Variants in EPHA6 observed in about 807,000 individuals in gnomAD.
EPHA6 encodes ephrin type-A receptor 6.
Under a neutral mutation model 112.0 loss-of-function variants are expected in EPHA6, and 50 were observed. The observed-to-expected ratio is 0.45, with a 90% CI of 0.36 to 0.56. EPHA6 has a LOEUF of 0.56. EPHA6 is among the 20% of genes least tolerant of loss of function. EPHA6 has a pLI of 0.00. For synonymous variants in EPHA6, 529 were observed against 490.7 expected, an observed-to-expected ratio of 1.08 and a Z score of -1.03; for missense variants, 1,280 against 1,417.4, an observed-to-expected ratio of 0.90 and a Z score of 1.56.
chr3:97,645,960 A>T (rs1360091587), intron 14 of EPHA6, among the ~76,000 whole-genome samples: 1 of 152,160 alleles, frequency 6.6e-6, no homozygotes, highest in East Asian at 1.9e-4. Flanking sequence ...AAGACATGAT[A>T]GATAAAGGTT....
intron 6 of EPHA6, among the ~76,000 whole-genome samples, chr3:97,408,976 A>G (rs1426674429): frequency 1.3e-5 from 2 of 152,090 alleles, no homozygotes; most frequent in East Asian, 3.9e-4. Flanking sequence ...TCAACCCTCA[A>G]TCCTTGCCTA....
chr3:96,873,429 C>G (rs1323896000), intron 2 of EPHA6, among the ~76,000 whole-genome samples: 2 of 152,060 alleles, frequency 1.3e-5, no homozygotes, highest in Non-Finnish European at 2.9e-5. Flanking sequence ...ATTTGCTGGA[C>G]CAGGCAAAAT....
chr3:97,223,399 G>T (rs768344027), intron 3 of EPHA6, among the ~76,000 whole-genome samples: 9 of 152,152 alleles, frequency 5.9e-5, no homozygotes, highest in Non-Finnish European at 1.3e-4. Context: ...TGATATAAAG[G>T]AAGGGTTAAA....
intron 3 of EPHA6, among the ~76,000 whole-genome samples, chr3:97,000,176 T>C (rs1016385252): frequency 4.0e-5 from 6 of 151,572 alleles, no homozygotes; most frequent in Non-Finnish European, 8.8e-5. Flanking sequence ...CTGTTACACA[T>C]CACCTGTCCC....
intron 14 of EPHA6, among the ~76,000 whole-genome samples, chr3:97,668,449 G>A (rs772623493): frequency 1.3e-5 from 2 of 152,012 alleles, no homozygotes; most frequent in Non-Finnish European, 2.9e-5. Flanking sequence ...TTATTATTTG[G>A]GGATCAGGAT....
chr3:97,489,842 T>A (rs2091794387), intron 10 of EPHA6, among the ~76,000 whole-genome samples: 1 of 152,060 alleles, frequency 6.6e-6, no homozygotes, highest in African/African-American at 2.4e-5. Context: ...TCTACAGTAG[T>A]CTATCAATTT....
chr3:97,639,671 T>G (rs1019740492), intron 14 of EPHA6, among the ~76,000 whole-genome samples: 2 of 152,152 alleles, frequency 1.3e-5, no homozygotes, highest in Non-Finnish European at 2.9e-5. Context: ...ACTCATGAAA[T>G]TGGCAGATAA....
rs566009836 is a variant in EPHA6 at position 97,602,319 on chromosome 3, G to A, written c.2513-8474G>A. Among the ~76,000 whole-genome samples the A allele has an allele frequency of 5.3e-5, 8 of 151,972 alleles. No homozygotes were observed. In the East Asian group the frequency reaches 5.8e-4, roughly 11 times the overall value. Reference sequence around the variant, plus strand: ...TACATATTTCCTGTTTGTATAGAACGTTTTACAGCTTTGTAGGCCTTTAAA... The same window carrying A: ...TACATATTTCCTGTTTGTATAGAACATTTTACAGCTTTGTAGGCCTTTAAA... On this transcript the variant is annotated intron_variant, in intron 12 of 17. Transcript: ENST00000389672.
intron 11 of EPHA6, among the ~76,000 whole-genome samples, chr3:97,559,019 AT>A (rs1288515001): frequency 6.6e-6 from 1 of 152,046 alleles, no homozygotes; most frequent in African/African-American, 2.4e-5. Flanking sequence ...ATGTGTCATC[AT>A]TTAAAAAGTA....
chr3:97,240,461 C>T (rs2078812139), intron 4 of EPHA6, among the ~76,000 whole-genome samples: 1 of 151,792 alleles, frequency 6.6e-6, no homozygotes, highest in Admixed American at 6.6e-5. Context: ...GACTTGGTAT[C>T]TTCAGATATT....
intron 11 of EPHA6, among the ~76,000 whole-genome samples, chr3:97,575,874 T>A (rs977732270): frequency 2.0e-5 from 3 of 152,146 alleles, no homozygotes; most frequent in Non-Finnish European, 4.4e-5. Flanking sequence ...AGCTGTGTAA[T>A]TGTAGTGAAG....
intron 13 of EPHA6, among the ~76,000 whole-genome samples, chr3:97,621,915 A>G (rs369750775): frequency 1.3e-5 from 2 of 151,894 alleles, no homozygotes; most frequent in African/African-American, 4.8e-5. Flanking sequence ...TGAACAACTA[A>G]CAGGAATTTG....
chr3:97,074,423 C>T (rs1178244477), intron 3 of EPHA6, among the ~76,000 whole-genome samples: 1 of 151,890 alleles, frequency 6.6e-6, no homozygotes, highest in African/African-American at 2.4e-5. Flanking sequence ...CCTTAAGCAA[C>T]ACTCAGGGAG....
chr3:97,635,565 T>C (rs1366134508), intron 13 of EPHA6, among the ~76,000 whole-genome samples: 1 of 152,092 alleles, frequency 6.6e-6, no homozygotes, highest in African/African-American at 2.4e-5. Flanking sequence ...ACATATTGTA[T>C]GATTCCATTC....
At chr3:97,130,912 G>A (rs188388295) in intron 3 of EPHA6, among the ~76,000 whole-genome samples, 200 of 152,150 alleles carry the variant, frequency 1.3e-3, no homozygotes, top group African/African-American at 3.7e-3. Context: ...TGATATGTTC[G>A]TGAAGAAATT....
intron 2 of EPHA6, among the ~76,000 whole-genome samples, chr3:96,904,691 CTT>C (rs1208513417): frequency 2.0e-5 from 3 of 151,818 alleles, no homozygotes; most frequent in African/African-American, 2.4e-5. Context: ...ATTAACAACT[CTT>C]TTGATGTAGG....
intron 5 of EPHA6, among the ~76,000 whole-genome samples, chr3:97,372,767 G>A (rs1420546521): frequency 1.3e-5 from 2 of 152,026 alleles, no homozygotes; most frequent in Non-Finnish European, 2.9e-5. Flanking sequence ...TATATATTAT[G>A]TTATTACATA....
intron 3 of EPHA6, among the ~76,000 whole-genome samples, chr3:96,994,730 T>TAGAGAGAG (rs1325190702): frequency 6.2e-4 from 51 of 82,820 alleles, no homozygotes; most frequent in African/African-American, 3.2e-3. Context: ...TATATATATA[T>TAGAGAGAG]ATAGAGAGAG....
rs551510641 is a variant in EPHA6, at chr3:96,994,817, G to T, written c.1114+6824G>T. On this transcript the variant is annotated intron_variant, in intron 3 of 17. Coordinates refer to ENST00000389672, the MANE Select transcript of EPHA6 (RefSeq NM_001080448.3). ...GTGTGTGTATATATATATATAGAGA[G>T]AGAGAGAGAGAGCTATATATACCTA... Among the ~76,000 whole-genome samples, 1,246 of 146,464 alleles carry T rather than the reference G, an allele frequency of 8.5e-3. 19 individuals carry two copies. Among genetic ancestry groups the T allele is most frequent in the East Asian group, 0.026 (132 of 5,020 alleles).
Sources: gnomAD v4.1 joint callset for allele counts (sites outside exome capture counted in the v4.1 genomes callset) on GRCh38, gnomAD v4.1.1 for gene constraint, MANE v1.5 for transcripts, NCBI Gene and HGNC (gene_info 2026-07-23, HGNC 2026-07-21) for gene names.